ATRNL1: variants seen among roughly 807,000 people sequenced by gnomAD.
ATRNL1 encodes attractin-like protein 1.
Under a neutral mutation model 182.7 loss-of-function variants are expected in ATRNL1, and 95 were observed. That is an observed-to-expected ratio of 0.52 (90% CI 0.44 to 0.62). The LOEUF (loss-of-function observed/expected upper bound fraction) is 0.62, where lower values mean the gene tolerates loss of function less well. Among genes scored for constraint, ATRNL1 ranks in the 20% least tolerant of loss-of-function variants. The pLI is 0.00. For missense variants in ATRNL1, 1,471 were observed against 1,679.5 expected (o/e 0.88, Z 2.17); for synonymous variants, 576 against 568.3 (o/e 1.01, Z -0.19).
intron 26 of ATRNL1, among the ~76,000 whole-genome samples, chr10:115,623,561 A>G (rs961021714): frequency 8.5e-5 from 13 of 152,186 alleles, no homozygotes; most frequent in Non-Finnish European, 1.3e-4. Context: ...TTAATGAGCT[A>G]TGTATCTCAT....
At position 115,394,899 on chromosome 10, in the gene ATRNL1, A is replaced by G; in HGVS notation, c.3269+147A>G. 2 of 637,822 alleles carry G rather than the reference A, an allele frequency of 3.1e-6. 1 individual carries two copies. Among genetic ancestry groups the G allele is most frequent in the South Asian group, 4.0e-5 (2 of 49,750 alleles). 39.5% of individuals were successfully genotyped at this position (637,822 alleles called of 1,614,324 possible). ...ACTTTTATTTTAGATTTGAGGGTAC[A>G]TGTGCAGGTTTTTAACATGGGTGTA... On this transcript the variant is annotated intron_variant, in intron 20 of 28. Transcript: ENST00000355044.
chr10:115,491,508 A>G (rs1592733050), intron 24 of ATRNL1, among the ~76,000 whole-genome samples: 1 of 151,998 alleles, frequency 6.6e-6, no homozygotes, highest in Non-Finnish European at 1.5e-5. Context: ...CAGTGGGCTC[A>G]GCTCTGTTTG....
chr10:115,617,424 A>G (rs1927479), intron 26 of ATRNL1, among the ~76,000 whole-genome samples: 45,368 of 151,772 alleles, frequency 0.3, 7,883 homozygotes, highest in East Asian at 0.68. Context: ...CAGTGGTGCA[A>G]TTGCGGCTCA....
At chr10:115,525,272 T>C (rs183436683) in intron 25 of ATRNL1, among the ~76,000 whole-genome samples, 67 of 152,330 alleles carry the variant, frequency 4.4e-4, no homozygotes, top group Non-Finnish European at 8.7e-4. Context: ...TAATAATCCC[T>C]ACAACTCTTT....
At chr10:115,925,765 C>G (rs530658856) in intron 28 of ATRNL1, among the ~76,000 whole-genome samples, 1 of 152,288 alleles carries the variant, frequency 6.6e-6, no homozygotes, top group Non-Finnish European at 1.5e-5. Flanking sequence ...ATTCATAAAA[C>G]AAGCTCTCAG....
intron 19 of ATRNL1, among the ~76,000 whole-genome samples, chr10:115,334,677 GA>G (rs1278707092): frequency 6.6e-6 from 1 of 151,816 alleles, no homozygotes; most frequent in Non-Finnish European, 1.5e-5. Context: ...ATAAATAAAA[GA>G]AAAAACACCT....
At chr10:115,871,171 A>T (rs562688212) in intron 28 of ATRNL1, among the ~76,000 whole-genome samples, 1 of 152,042 alleles carries the variant, frequency 6.6e-6, no homozygotes, top group Non-Finnish European at 1.5e-5. Flanking sequence ...TCTCTCAGAC[A>T]TATTTGAAAG....
intron 27 of ATRNL1, among the ~76,000 whole-genome samples, chr10:115,844,186 A>G (rs1950876642): frequency 6.6e-6 from 1 of 152,122 alleles, no homozygotes; most frequent in South Asian, 2.1e-4. Context: ...TGAATGTTCT[A>G]CTAAACCCCA....
At chr10:115,680,113 G>A (rs1946000192) in intron 26 of ATRNL1, among the ~76,000 whole-genome samples, 2 of 152,090 alleles carry the variant, frequency 1.3e-5, no homozygotes, top group Non-Finnish European at 2.9e-5. Context: ...CAGAGTTTAG[G>A]TTTTTGTAAC....
chr10:115,368,021 G>C (rs921554754), intron 19 of ATRNL1, among the ~76,000 whole-genome samples: 16 of 152,156 alleles, frequency 1.1e-4, no homozygotes, highest in South Asian at 4.1e-4. Flanking sequence ...AGGCAGGCAG[G>C]CCTCCTTGAG....
chr10:115,812,567 C>T (rs1251716771), intron 27 of ATRNL1, among the ~76,000 whole-genome samples: 1 of 152,172 alleles, frequency 6.6e-6, no homozygotes, highest in Non-Finnish European at 1.5e-5. Flanking sequence ...GTCTCTGCCT[C>T]CTGGGTTCAA....
chr10:115,866,659 G>T (rs987952445), intron 28 of ATRNL1, among the ~76,000 whole-genome samples: 31 of 152,100 alleles, frequency 2.0e-4, no homozygotes, highest in African/African-American at 7.5e-4. Flanking sequence ...TGACAGGAAA[G>T]CATTAAATAC....
chr10:115,354,115 A>G (rs1169168030), intron 19 of ATRNL1, among the ~76,000 whole-genome samples: 1 of 152,174 alleles, frequency 6.6e-6, no homozygotes, highest in Non-Finnish European at 1.5e-5. Context: ...ACAAATCAGT[A>G]AACTTTCTTA....
intron 25 of ATRNL1, among the ~76,000 whole-genome samples, chr10:115,529,947 G>A (rs1449378974): frequency 6.6e-6 from 1 of 151,998 alleles, no homozygotes; most frequent in Non-Finnish European, 1.5e-5. Context: ...CCATAGATTT[G>A]CCTATTCTGG....
intron 26 of ATRNL1, among the ~76,000 whole-genome samples, chr10:115,649,325 G>T (rs560745743): frequency 6.6e-6 from 1 of 152,026 alleles, no homozygotes; most frequent in South Asian, 2.1e-4. Context: ...TCTGAAGGTC[G>T]TTTGAAATAC....
chr10:115,176,625 T>C (rs1157376068), intron 8 of ATRNL1, among the ~76,000 whole-genome samples: 1 of 151,948 alleles, frequency 6.6e-6, no homozygotes. Flanking sequence ...CCTGAGCAGC[T>C]GGAAAGATGA....
chr10:115,852,345 A>G (rs1951076261), intron 28 of ATRNL1, among the ~76,000 whole-genome samples: 1 of 152,192 alleles, frequency 6.6e-6, no homozygotes, highest in Non-Finnish European at 1.5e-5. Flanking sequence ...ATCTAGAAAT[A>G]TTACATAATG....
At chr10:115,599,143 G>T (rs1856446655) in intron 26 of ATRNL1, among the ~76,000 whole-genome samples, 1 of 152,122 alleles carries the variant, frequency 6.6e-6, no homozygotes, top group Admixed American at 6.5e-5. Context: ...TACTGTATTG[G>T]AAAGCTATCA....
chr10:115,555,823 A>C (rs1036605653), intron 26 of ATRNL1, among the ~76,000 whole-genome samples: 3 of 152,054 alleles, frequency 2.0e-5, no homozygotes, highest in African/African-American at 7.2e-5. Flanking sequence ...TATAATATAA[A>C]CAAATAGTCA....
Sources: gnomAD v4.1 joint callset for allele counts (sites outside exome capture counted in the v4.1 genomes callset) on GRCh38, gnomAD v4.1.1 for gene constraint, MANE v1.5 for transcripts, NCBI Gene and HGNC (gene_info 2026-07-23, HGNC 2026-07-21) for gene names.